Variants in SPAG16 observed in about 807,000 individuals in gnomAD.
SPAG16 encodes the protein sperm-associated antigen 16 protein.
SPAG16 carries 86 observed loss-of-function variants against 80.4 expected under a neutral mutation model. The ratio of observed to expected loss-of-function variants is 1.07; its 90% CI spans 0.90 to 1.28. The LOEUF is 1.28. Among genes scored for constraint, SPAG16 ranks in the 50% most tolerant of loss-of-function variants. The pLI, the probability that SPAG16 is intolerant of heterozygous loss-of-function variation, is 0.00. For synonymous variants in SPAG16, 294 were observed against 265.9 expected (o/e 1.11, Z -1.03); for missense variants, 870 against 765.3 (o/e 1.14, Z -1.61).
At chr2:214,032,133 A>G (rs2048446423) in intron 13 of SPAG16, among the ~76,000 whole-genome samples, 1 of 152,190 alleles carries the variant, frequency 6.6e-6, no homozygotes, top group Non-Finnish European at 1.5e-5. Flanking sequence ...CACCTCCCAA[A>G]TAAATGAACT....
At chr2:214,054,674 G>A (rs1001000998) in intron 13 of SPAG16, among the ~76,000 whole-genome samples, 5 of 152,038 alleles carry the variant, frequency 3.3e-5, no homozygotes, top group Admixed American at 3.3e-4. Context: ...ACTTCTTACA[G>A]AGAATCCATA....
intron 15 of SPAG16, among the ~76,000 whole-genome samples, chr2:214,200,301 T>A (rs2125717364): frequency 6.6e-6 from 1 of 152,344 alleles, no homozygotes; most frequent in Non-Finnish European, 1.5e-5. Context: ...CATAAAGGGA[T>A]GCTAGATTCA....
intron 10 of SPAG16, among the ~76,000 whole-genome samples, chr2:213,595,129 A>G (rs2060844243): frequency 6.6e-6 from 1 of 152,086 alleles, no homozygotes; most frequent in African/African-American, 2.4e-5. Context: ...CAAATTTTAA[A>G]TGATAATTTA....
At position 214,324,331 on chromosome 2, in the gene SPAG16, T is replaced by A. The variant is rs530819663; in HGVS notation, c.1721-85809T>A. On this transcript the variant is annotated intron_variant, in intron 15 of 15. Coordinates refer to ENST00000331683, the MANE Select transcript of SPAG16 (RefSeq NM_024532.5). ...GTAGTTTTCATTTTAAAGTTTTTAG[T>A]ATTTCAATATTGATGCAGGATAACG... Among the ~76,000 whole-genome samples the A allele has an allele frequency of 1.6e-4, 24 of 152,330 alleles. No homozygotes were observed. The South Asian group carries it at 3.7e-3, about 24-fold the overall frequency.
At chr2:214,271,844 C>G (rs970775102) in intron 15 of SPAG16, among the ~76,000 whole-genome samples, 3 of 140,128 alleles carry the variant, frequency 2.1e-5, no homozygotes, top group African/African-American at 8.1e-5. Flanking sequence ...TGTGGGAAAC[C>G]CCCCCCCCAA....
chr2:213,364,191 A>G, intron 8 of SPAG16, 46 bp downstream of exon 8: 1 of 1,175,152 alleles, frequency 8.5e-7, no homozygotes, highest in Non-Finnish European at 1.2e-6. Context: ...TAGTTTGGTG[A>G]TTTCTCAACC....
chr2:214,063,687 C>G (rs1385125947), intron 13 of SPAG16, among the ~76,000 whole-genome samples: 1 of 152,182 alleles, frequency 6.6e-6, no homozygotes, highest in Non-Finnish European at 1.5e-5. Flanking sequence ...CAGTTGTTTC[C>G]TCTTCCAGGA....
intron 10 of SPAG16, among the ~76,000 whole-genome samples, chr2:213,658,425 T>G: frequency 6.6e-6 from 1 of 152,174 alleles, no homozygotes; most frequent in African/African-American, 2.4e-5. Context: ...ATATGAAATA[T>G]CTGGATACAA....
chr2:213,945,384 A>G (rs1226014493), intron 12 of SPAG16, among the ~76,000 whole-genome samples: 1 of 151,662 alleles, frequency 6.6e-6, no homozygotes, highest in Middle Eastern at 3.4e-3. Flanking sequence ...CACAATCACA[A>G]GGTCCCACAA....
chr2:214,400,060 GC>G (rs1316213795), intron 15 of SPAG16, among the ~76,000 whole-genome samples: 1 of 151,990 alleles, frequency 6.6e-6, no homozygotes, highest in African/African-American at 2.4e-5. Flanking sequence ...GACTTTAGGT[GC>G]ATTTCACAAG....
At chr2:214,119,171 T>C (rs2054093924) in intron 14 of SPAG16, among the ~76,000 whole-genome samples, 2 of 152,160 alleles carry the variant, frequency 1.3e-5, no homozygotes, top group South Asian at 4.1e-4. Context: ...ACAATATTTA[T>C]ATATGGCCCT....
intron 14 of SPAG16, among the ~76,000 whole-genome samples, chr2:214,122,102 T>C (rs146771341): frequency 0.024 from 3,572 of 151,834 alleles, 98 homozygotes; most frequent in South Asian, 0.13. Flanking sequence ...TTCCTTATAG[T>C]CTATAATTTA....
At chr2:213,982,351 GT>G (rs2045791589) in intron 12 of SPAG16, among the ~76,000 whole-genome samples, 1 of 151,634 alleles carries the variant, frequency 6.6e-6, no homozygotes, top group Admixed American at 6.6e-5. Context: ...GAGGTCAACT[GT>G]TTAATATGTT....
In SPAG16 at chr2:213,478,570, C is replaced by T. The variant is rs113847834; in HGVS notation, c.943-11393C>T. Among the ~76,000 whole-genome samples the T allele has an allele frequency of 8.7e-3, 1,325 of 152,242 alleles. 21 individuals carry two copies. Among genetic ancestry groups the T allele is most frequent in the African/African-American group, 0.03 (1,234 of 41,542 alleles). On this transcript the variant is annotated intron_variant, in intron 9 of 15. Transcript: ENST00000331683. Reference sequence around the variant, plus strand: ...AAAATTACCACCTCTTCTCTACTCTCGAGGATGGTGATTCACTAGCAACAG... The same window carrying T: ...AAAATTACCACCTCTTCTCTACTCTTGAGGATGGTGATTCACTAGCAACAG...
chr2:214,176,818 G>GTA (rs1407207697), intron 15 of SPAG16, among the ~76,000 whole-genome samples: 2 of 150,768 alleles, frequency 1.3e-5, no homozygotes, highest in Admixed American at 6.6e-5. Flanking sequence ...ATGTGTGTGT[G>GTA]TGTGTGTTTT....
intron 15 of SPAG16, among the ~76,000 whole-genome samples, chr2:214,302,187 T>G (rs892923962): frequency 2.6e-5 from 4 of 152,194 alleles, no homozygotes; most frequent in African/African-American, 9.6e-5. Flanking sequence ...GAGACTTACT[T>G]TATAGGCAAA....
chr2:213,713,675 T>A (rs1206371376), intron 10 of SPAG16, among the ~76,000 whole-genome samples: 1 of 152,098 alleles, frequency 6.6e-6, no homozygotes, highest in Non-Finnish European at 1.5e-5. Context: ...AGAGTAAAAA[T>A]TCAAGGCAGG....
chr2:213,762,124 A>T (rs2068697976), intron 10 of SPAG16, among the ~76,000 whole-genome samples: 1 of 152,236 alleles, frequency 6.6e-6, no homozygotes, highest in Non-Finnish European at 1.5e-5. Flanking sequence ...TCAATTGCAG[A>T]AGAAAAAGTA....
intron 15 of SPAG16, among the ~76,000 whole-genome samples, chr2:214,380,557 A>C (rs958925278): frequency 1.4e-4 from 22 of 152,350 alleles, no homozygotes; most frequent in African/African-American, 5.0e-4. Context: ...TGTTAGAGTC[A>C]GTTTCCAGGA....
Sources: gnomAD v4.1 joint callset for allele counts (sites outside exome capture counted in the v4.1 genomes callset) on GRCh38, gnomAD v4.1.1 for gene constraint, MANE v1.5 for transcripts, NCBI Gene and HGNC (gene_info 2026-07-23, HGNC 2026-07-21) for gene names.